Variants in MYLK3 observed in about 807,000 individuals in gnomAD.
MYLK3 encodes the protein myosin light chain kinase 3.
In MYLK3, 55 loss-of-function variants were observed where a neutral mutation model predicts 76.3. The ratio of observed to expected loss-of-function variants is 0.72; its 90% CI spans 0.58 to 0.90. The LOEUF (loss-of-function observed/expected upper bound fraction) is 0.90. Among genes scored for constraint, MYLK3 ranks in the 40% least tolerant of loss-of-function variants. The pLI, the probability that MYLK3 is intolerant of heterozygous loss-of-function variation, is 0.00. For synonymous variants in MYLK3, 416 were observed against 425.4 expected (o/e 0.98, Z 0.27); for missense variants, 973 against 1,053.6 (o/e 0.92, Z 1.06).
intron 1 of MYLK3, among the ~76,000 whole-genome samples, chr16:46,756,110 G>A (rs1037873222): frequency 4.0e-5 from 6 of 151,692 alleles, no homozygotes; most frequent in Non-Finnish European, 5.9e-5. Context: ...GGCTTTCACC[G>A]TGTTGCCCAG....
At chr16:46,707,852 G>T in intron 12 of MYLK3, 89 bp from the exon 13 acceptor site, 1 of 876,946 alleles carries the variant, frequency 1.1e-6, no homozygotes, top group Non-Finnish European at 1.8e-6. Flanking sequence ...ATTTAAGTGA[G>T]TCCAGCCACT....
At chr16:46,740,193 C>T in intron 1 of MYLK3, 46 bp from the exon 2 acceptor site, 1 of 1,490,614 alleles carries the variant, frequency 6.7e-7, no homozygotes, top group Non-Finnish European at 9.4e-7. Context: ...ATCAACATTG[C>T]CATTCAGGCC....
chr16:46,711,643 T>C, intron 10 of MYLK3: 1 of 441,778 alleles, frequency 2.3e-6, no homozygotes, highest in Non-Finnish European at 4.5e-6. Context: ...CCCAAAGTGC[T>C]GGGATTATAG....
At chr16:46,750,181 C>T (rs1967104171), upstream of MYLK3, among the ~76,000 whole-genome samples, 1 of 152,222 alleles carries the variant, frequency 6.6e-6, no homozygotes. Flanking sequence ...CAGATCGGGG[C>T]TCCCTGGGCC....
chr16:46,717,648 G>A (rs984178009), intron 9 of MYLK3, among the ~76,000 whole-genome samples: 8 of 151,982 alleles, frequency 5.3e-5, no homozygotes, highest in Non-Finnish European at 8.8e-5. Context: ...TCAGGTGCAC[G>A]GGAGTCCTGA....
chr16:46,704,894 A>T lies in MYLK3; in HGVS notation c.*2810T>A, dbSNP rs1310369208. On this transcript the variant is annotated 3_prime_UTR_variant, in exon 13 of 13. Transcript: ENST00000394809. ...AGGCTGCCCTCAAAAAACCTTTTAA[A>T]GAAAGATAACTGACATTTAAAAAAT... The T allele has an allele frequency of 6.6e-6, 1 of 152,252 alleles. No individual in the cohort carries two copies. The highest frequency in any genetic ancestry group is 1.5e-5 in the Non-Finnish European group (1 of 68,042). 9.4% of individuals were successfully genotyped at this position (152,252 alleles called of 1,614,324 possible).
upstream of MYLK3, among the ~76,000 whole-genome samples, chr16:46,753,029 A>G (rs147745390): frequency 4.3e-3 from 660 of 152,338 alleles, 4 homozygotes; most frequent in South Asian, 0.013. Context: ...GGAAGGGGCC[A>G]TTGGTGAATG....
At chr16:46,734,568 T>C (rs1966859973) in intron 3 of MYLK3, among the ~76,000 whole-genome samples, 1 of 151,458 alleles carries the variant, frequency 6.6e-6, no homozygotes. Flanking sequence ...TTGCAGTGAG[T>C]TGAGATCATG....
chr16:46,737,678 C>T (rs1476758596), intron 3 of MYLK3, 33 bp downstream of exon 3: 2 of 1,562,996 alleles, frequency 1.3e-6, no homozygotes, highest in Non-Finnish European at 8.7e-7. Context: ...AGTCCATCCC[C>T]TCCCTCACCC....
At chr16:46,715,480 A>G (rs1158978275) in intron 9 of MYLK3, among the ~76,000 whole-genome samples, 1 of 152,218 alleles carries the variant, frequency 6.6e-6, no homozygotes, top group Non-Finnish European at 1.5e-5. Flanking sequence ...GTCTATGGCC[A>G]TAAGGTCAAA....
intron 8 of MYLK3, among the ~76,000 whole-genome samples, chr16:46,725,096 T>C (rs1966836003): frequency 6.6e-6 from 1 of 152,184 alleles, no homozygotes; most frequent in African/African-American, 2.4e-5. Flanking sequence ...TATTTACAGA[T>C]TGTTCAGTCC....
chr16:46,750,001 C>A (rs921964109), upstream of MYLK3, among the ~76,000 whole-genome samples: 3 of 150,826 alleles, frequency 2.0e-5, no homozygotes, highest in Non-Finnish European at 4.5e-5. Context: ...AAAACAAACA[C>A]ACAAATAAAC....
In MYLK3 at chr16:46,762,912, T is replaced by C. The variant is rs114653789; in HGVS notation, c.-114+128A>G. The stretch of plus-strand genomic sequence containing the variant: ...AACCCATGCACTTGCAACCAAGAGC[T>C]GCTCATTTTTCTTGTCGTTTTTGAT... On this transcript the variant is annotated intron_variant, in intron 1 of 11. Transcript: ENST00000536476. The C allele has an allele frequency of 2.1e-3, 1,403 of 656,390 alleles. 17 individuals carry two copies. In the African/African-American group the frequency reaches 0.026, roughly 12 times the overall value. The allele number at this position is 656,390 out of a possible 1,614,324, so 40.7% of individuals were successfully genotyped here.
At chr16:46,716,700 G>A (rs1049096997) in intron 9 of MYLK3, among the ~76,000 whole-genome samples, 1 of 152,122 alleles carries the variant, frequency 6.6e-6, no homozygotes, top group African/African-American at 2.4e-5. Context: ...TCTAGAGAGG[G>A]TCCTGCCCCC....
At chr16:46,724,711 G>C (rs752383421) in intron 8 of MYLK3, among the ~76,000 whole-genome samples, 14 of 152,166 alleles carry the variant, frequency 9.2e-5, no homozygotes, top group Non-Finnish European at 1.6e-4. Flanking sequence ...ATTGTAGAAA[G>C]TTTCAAAATT....
chr16:46,710,782 C>T lies in MYLK3; in HGVS notation c.2122G>A (p.Gly708Ser), dbSNP rs1471946055. ...GTTTCCCCTAGAAATGGGGACAAGC[C>T]ACTGAGTCTATAGAAGAGAGAAAGG... ...VGVITYMLLS[G>S]LSPFLGETDA... Residue 708 changes from glycine to serine, a missense_variant, in exon 11 of 13, where the codon GGC (glycine) becomes AGC (serine). Around this residue, in one of 2 missense-constraint regions of MYLK3, gnomAD observed 332 missense variants for 416.6 expected, o/e 0.80. Coordinates refer to ENST00000394809, the MANE Select transcript of MYLK3 (RefSeq NM_182493.3). 1.2e-6 allele frequency: 2 copies of T among 1,614,052 alleles called. No individual in the cohort carries two copies. The highest frequency in any genetic ancestry group is 1.7e-6 in the Non-Finnish European group (2 of 1,180,024).
At chr16:46,750,077 G>A (rs36471), upstream of MYLK3, among the ~76,000 whole-genome samples, 120,461 of 152,204 alleles carry the variant, frequency 0.79, 48,596 homozygotes, top group East Asian at 1. Flanking sequence ...GGGATTCACC[G>A]TGCACCTCAG....
At chr16:46,724,524 A>G (rs1266699615) in intron 8 of MYLK3, among the ~76,000 whole-genome samples, 2 of 152,224 alleles carry the variant, frequency 1.3e-5, no homozygotes, top group African/African-American at 2.4e-5. Context: ...GCTCCCTAGC[A>G]TGGGGTCCCA....
In MYLK3 at chr16:46,727,381, C is replaced by A. The variant is rs1482801118; in HGVS notation, c.1773-4G>T. ...GAAGAGCTCACCCCCGTCCACGCTG[C>A]CAGAGCAAAGGGAGAGGCAGGCACC... On this transcript the variant is annotated splice_polypyrimidine_tract_variant and splice_region_variant and intron_variant, in intron 7 of 12. Transcript: ENST00000394809. The A allele has an allele frequency of 6.2e-7, 1 of 1,603,534 alleles. No homozygotes were observed. Among genetic ancestry groups the A allele is most frequent in the Non-Finnish European group, 8.5e-7 (1 of 1,171,806 alleles).
Sources: gnomAD v4.1 joint callset for allele counts (sites outside exome capture counted in the v4.1 genomes callset) on GRCh38, gnomAD v4.1.1 for gene constraint, gnomAD v4.1.1 regional missense constraint, MANE v1.5 for transcripts, NCBI Gene and HGNC (gene_info 2026-07-23, HGNC 2026-07-21) for gene names.